Variants in SH3GLB1 observed in about 807,000 individuals in gnomAD.
SH3GLB1 encodes the protein endophilin-B1.
SH3GLB1 carries 17 observed loss-of-function variants against 42.0 expected under a neutral mutation model. The observed-to-expected ratio is 0.40, with a 90% CI of 0.28 to 0.61. SH3GLB1 has a LOEUF of 0.61. SH3GLB1 is among the 20% of genes least tolerant of loss of function. SH3GLB1 has a pLI of 0.36. For synonymous variants in SH3GLB1, 132 were observed against 146.6 expected (o/e 0.90, Z 0.72); for missense variants, 355 against 426.3 (o/e 0.83, Z 1.47).
At chr1:86,734,534 C>G in intron 5 of SH3GLB1, 68 bp from the exon 6 acceptor site, 1 of 1,129,390 alleles carries the variant, frequency 8.9e-7, no homozygotes, top group Non-Finnish European at 1.3e-6. Flanking sequence ...TTTTAACCAT[C>G]TAAAATAAAT....
At chr1:86,720,086 C>T (rs1654785684) in intron 3 of SH3GLB1, among the ~76,000 whole-genome samples, 2 of 150,442 alleles carry the variant, frequency 1.3e-5, no homozygotes, top group East Asian at 3.9e-4. Flanking sequence ...GAAATATAGG[C>T]AAATATATAC....
rs764542244 is a variant in SH3GLB1 at position 86,704,964 on chromosome 1, C to T, written c.65C>T (p.Ala22Val). 3 of 1,579,594 alleles carry T rather than the reference C, an allele frequency of 1.9e-6. No individual in the cohort carries two copies. Among genetic ancestry groups the T allele is most frequent in the Non-Finnish European group, 2.6e-6 (3 of 1,165,104 alleles). The change falls in exon 1 of 9, where the codon GCC (alanine) becomes GTC (valine). Residue 22 changes from alanine to valine, a missense_variant. By Grantham distance (64) the Ala-to-Val change is moderately conservative (BLOSUM62 0). Transcript: ENST00000370558. The part of the protein sequence containing the change: ...AADAGTFLSR[A>V]VQFTEEKLGQ... ...GACGCAGGCACCTTCCTCAGTCGCG[C>T]CGTGCAGGTACCCTGGTGCTGGGGG...
At chr1:86,714,092 A>AT (rs1284939566) in intron 1 of SH3GLB1, among the ~76,000 whole-genome samples, 3 of 152,024 alleles carry the variant, frequency 2.0e-5, no homozygotes, top group African/African-American at 7.2e-5. Flanking sequence ...GGCTAAGTGA[A>AT]TTTTTTTTAG....
chr1:86,705,213 C>T (rs1248044729), intron 1 of SH3GLB1, among the ~76,000 whole-genome samples: 3 of 152,154 alleles, frequency 2.0e-5, no homozygotes, highest in East Asian at 1.9e-4. Flanking sequence ...CCGGGAGCTT[C>T]CTCCCACCCC....
At position 86,721,056 on chromosome 1, in the gene SH3GLB1, C is replaced by T. The variant is rs147765621; in HGVS notation, c.343+1421C>T. On this transcript the variant is annotated intron_variant, in intron 3 of 8. Transcript: ENST00000370558. ...AGGAACCCAGCAGCCCCTTCCTTCA[C>T]CAGGCTGAAGAAGGTTTTAGCAGAG... 4.0e-4 allele frequency among the ~76,000 whole-genome samples: 61 copies of T among 152,274 alleles called. No individual in the cohort carries two copies. The East Asian group carries it at 0.011, about 28-fold the overall frequency.
In SH3GLB1 at chr1:86,715,786, C is replaced by T. The variant is rs137962528; in HGVS notation, c.135C>T (p.Leu45=). The change falls in exon 2 of 9, where the codon CTC becomes CTT. Residue 45 remains leucine (L), a synonymous_variant. Transcript: ENST00000370558. ...AATTGGATGCTCACTTAGAGAACCT[C>T]CTTAGCAAAGCTGAATGTACCAAAA... ...KTELDAHLEN[L]LSKAECTKIW... The T allele has an allele frequency of 3.1e-6, 5 of 1,612,698 alleles. No individual in the cohort carries two copies. The highest frequency in any genetic ancestry group is 1.7e-6 in the Non-Finnish European group (2 of 1,179,694).
rs574262749 is a variant in SH3GLB1, at chr1:86,745,755, G to C, written c.*2520G>C. 4.6e-5 allele frequency: 7 copies of C among 152,244 alleles called. No homozygotes were observed. In the East Asian group the frequency reaches 1.4e-3, roughly 29 times the overall value. The allele number at this position is 152,244 out of a possible 1,614,324, so 9.4% of individuals were successfully genotyped here. On this transcript the variant is annotated 3_prime_UTR_variant, in exon 9 of 9. Transcript: ENST00000370558. ...TTGGCTTATTTTAAAGTCAAGTTTA[G>C]TTTTTACTCAGGTAAAGGCCTGAAG...
chr1:86,718,125 T>TGCC (rs1430909062), intron 2 of SH3GLB1, among the ~76,000 whole-genome samples: 2 of 151,876 alleles, frequency 1.3e-5, no homozygotes, highest in Admixed American at 1.3e-4. Context: ...CTGCAAGATC[T>TGCC]GCCTCCTGGG....
rs765232224 is a variant in SH3GLB1 at position 86,743,130 on chromosome 1, G to C, written c.993G>C (p.Val331=). 1 of 1,609,680 alleles carries C rather than the reference G, an allele frequency of 6.2e-7. No homozygotes were observed. Among genetic ancestry groups the C allele is most frequent in the Non-Finnish European group, 8.5e-7 (1 of 1,178,436 alleles). ...ACTGGAAGTATTTTATTTTGCAGGT[G>C]ATCACTGTGTTCAGTGTTGTTGGAA... ...STELSLLADE[V]ITVFSVVGMD... is the part of the protein sequence containing the mutation. The change falls in exon 9 of 9, where the codon GTG becomes GTC. Residue 331 remains valine (V), a splice_region_variant and synonymous_variant. Coordinates refer to ENST00000370558, the MANE Select transcript of SH3GLB1 (RefSeq NM_016009.5).
chr1:86,739,695 T>C (rs545640853), intron 7 of SH3GLB1, among the ~76,000 whole-genome samples: 1 of 152,126 alleles, frequency 6.6e-6, no homozygotes, highest in African/African-American at 2.4e-5. Context: ...AAGGGCATGT[T>C]TGTAAGCTGA....
chr1:86,712,629 G>T (rs1163417951), intron 1 of SH3GLB1, among the ~76,000 whole-genome samples: 2 of 152,138 alleles, frequency 1.3e-5, no homozygotes, highest in East Asian at 3.9e-4. Flanking sequence ...AGATGTAAAT[G>T]GATGTGCTGA....
At position 86,722,625 on chromosome 1, in the gene SH3GLB1, T is replaced by C. The variant is rs1570264756; in HGVS notation, c.429T>C (p.Phe143=). 6.2e-7 allele frequency: 1 copy of C among 1,610,068 alleles called. No individual in the cohort carries two copies. Among genetic ancestry groups the C allele is most frequent in the East Asian group, 2.2e-5 (1 of 44,650 alleles). ...TGATTCAAACGTCAGCCTTAAATTT[T>C]CTTACTCCTTTAAGAAACTTTATAG... ...RELIQTSALN[F]LTPLRNFIEG... is the part of the protein sequence containing the mutation. The change falls in exon 4 of 9, where the codon TTT becomes TTC. Residue 143 remains phenylalanine (F), a synonymous_variant. Transcript: ENST00000370558.
At chr1:86,725,016 T>C (rs1287190022) in intron 5 of SH3GLB1, among the ~76,000 whole-genome samples, 1 of 148,220 alleles carries the variant, frequency 6.7e-6, no homozygotes, top group Non-Finnish European at 1.5e-5. Context: ...ACACACGTGA[T>C]ATTTAGCTAT....
intron 1 of SH3GLB1, among the ~76,000 whole-genome samples, chr1:86,711,559 T>G (rs1480040504): frequency 2.6e-5 from 4 of 152,282 alleles, no homozygotes; most frequent in African/African-American, 9.6e-5. Flanking sequence ...ACAAAAGTTC[T>G]TAATTATTAA....
chr1:86,709,570 A>G (rs560442598), intron 1 of SH3GLB1, among the ~76,000 whole-genome samples: 10 of 152,192 alleles, frequency 6.6e-5, no homozygotes, highest in Non-Finnish European at 1.5e-4. Context: ...TATTTGATAA[A>G]TCTTTCAAGT....
chr1:86,719,036 AAG>A (rs769342206), intron 2 of SH3GLB1, among the ~76,000 whole-genome samples: 4 of 152,200 alleles, frequency 2.6e-5, no homozygotes, highest in Non-Finnish European at 4.4e-5. Flanking sequence ...AGGCAAGAAA[AAG>A]AGAGAGCAAA....
intron 5 of SH3GLB1, among the ~76,000 whole-genome samples, chr1:86,731,161 A>G (rs549114548): frequency 2.0e-5 from 3 of 152,200 alleles, no homozygotes; most frequent in Non-Finnish European, 4.4e-5. Flanking sequence ...ATTATAAACT[A>G]TAGTACATGC....
At chr1:86,734,407 T>C in intron 5 of SH3GLB1, 195 bp from the exon 6 acceptor site, 3 of 510,432 alleles carry the variant, frequency 5.9e-6, no homozygotes, top group Non-Finnish European at 7.2e-6. Context: ...CTGGAATCAG[T>C]TGTCCAGGTG....
At position 86,746,544 on chromosome 1, in the gene SH3GLB1, C is replaced by CT. The variant is rs1656306230; in HGVS notation, c.*3310dup. On this transcript the variant is annotated 3_prime_UTR_variant, in exon 9 of 9. Coordinates refer to ENST00000370558, the MANE Select transcript of SH3GLB1 (RefSeq NM_016009.5). ...TGGAGAGAGAGTTCCACAACCACCCCTGCCCTTTCTCCCATATTACGCTCA... is the reference window on the plus strand; with the variant it reads ...TGGAGAGAGAGTTCCACAACCACCCCTTGCCCTTTCTCCCATATTACGCTCA... 6.6e-6 allele frequency: 1 copy of CT among 152,250 alleles called. No individual in the cohort carries two copies. The highest frequency in any genetic ancestry group is 6.5e-5 in the Admixed American group (1 of 15,270). 9.4% of individuals were successfully genotyped at this position (152,250 alleles called of 1,614,324 possible).
Sources: gnomAD v4.1 joint callset for allele counts (sites outside exome capture counted in the v4.1 genomes callset) on GRCh38, gnomAD v4.1.1 for gene constraint, MANE v1.5 for transcripts, NCBI Gene and HGNC (gene_info 2026-07-23, HGNC 2026-07-21) for gene names.